The following PON3 variants were observed in gnomAD, a reference collection of about 807,000 sequenced individuals.
The protein encoded by PON3 is paraoxonase 3, also known as serum paraoxonase/lactonase 3.
PON3 carries 37 observed loss-of-function variants against 36.3 expected under a neutral mutation model. The observed-to-expected ratio is 1.02, with a 90% CI of 0.78 to 1.34. The LOEUF is 1.34. PON3 is among the 40% of genes most tolerant of loss of function. The pLI, the probability that PON3 is intolerant of heterozygous loss-of-function variation, is 0.00. For synonymous variants in PON3, 155 were observed against 154.8 expected (o/e 1.00, Z -0.01); for missense variants, 415 against 426.5 (o/e 0.97, Z 0.24).
intron 3 of PON3, among the ~76,000 whole-genome samples, chr7:95,380,001 G>A (rs1438611921): frequency 1.3e-5 from 2 of 152,174 alleles, no homozygotes; most frequent in Admixed American, 6.5e-5. Flanking sequence ...CCTCTGAGAC[G>A]AAACCTCCAG....
rs1340001550 is a variant in PON3, at chr7:95,362,325, GCT to G, written c.906+35_906+36del. 3 of 1,612,484 alleles carry G rather than the reference GCT, an allele frequency of 1.9e-6. No homozygotes were observed. In the African/African-American group the frequency reaches 4.0e-5, roughly 22 times the overall value. On this transcript the variant is annotated intron_variant, in intron 8 of 8. Coordinates refer to ENST00000265627, the MANE Select transcript of PON3 (RefSeq NM_000940.3). ...TCACCCCAACAAATTTGTTCTTGCAGCTTTGCCTGTGAGCTCAGAGAGGTATA... is the reference window on the plus strand; with the variant it reads ...TCACCCCAACAAATTTGTTCTTGCAGTTGCCTGTGAGCTCAGAGAGGTATA...
At chr7:95,371,686 A>T (rs1476289143) in intron 4 of PON3, among the ~76,000 whole-genome samples, 1 of 152,164 alleles carries the variant, frequency 6.6e-6, no homozygotes, top group Non-Finnish European at 1.5e-5. Flanking sequence ...TATTGTCTGA[A>T]TACAAGTCTC....
Position 95,372,170 on chromosome 7 carries a change from T to C in PON3, c.367+3A>G. ...CCCTTATCCCTAAACATACAGGTTT[T>C]ACCTTTGTCGATGAAAATACTGATC... On this transcript the variant is annotated splice_donor_region_variant and intron_variant, in intron 4 of 8. Coordinates refer to ENST00000265627, the MANE Select transcript of PON3 (RefSeq NM_000940.3). 6.2e-7 allele frequency: 1 copy of C among 1,612,936 alleles called. No homozygotes were observed. The highest frequency in any genetic ancestry group is 1.7e-5 in the Admixed American group (1 of 60,008).
At chr7:95,371,152 T>C (rs1435367839) in intron 4 of PON3, among the ~76,000 whole-genome samples, 2 of 152,226 alleles carry the variant, frequency 1.3e-5, no homozygotes, top group Non-Finnish European at 2.9e-5. Flanking sequence ...TGCCAAATAG[T>C]GTTCTATTGT....
intron 7 of PON3, 45 bp downstream of exon 7, chr7:95,362,715 T>A: frequency 6.6e-7 from 1 of 1,506,960 alleles, no homozygotes; most frequent in Non-Finnish European, 9.2e-7. Context: ...AGTATGGGAC[T>A]AAGGTAAGAA....
chr7:95,395,905 G>C, intron 1 of PON3: 1 of 339,236 alleles, frequency 2.9e-6, no homozygotes, highest in Non-Finnish European at 5.8e-6. Context: ...CTGGTAGCCT[G>C]ATCCTCTCTC....
chr7:95,386,476 T>G (rs1370334894), intron 3 of PON3, among the ~76,000 whole-genome samples: 2 of 152,138 alleles, frequency 1.3e-5, no homozygotes, highest in African/African-American at 2.4e-5. Context: ...GCTCTGAAAT[T>G]GAGGCAATAA....
At chr7:95,372,473 C>G in intron 3 of PON3, 135 bp from the exon 4 acceptor site, 1 of 959,692 alleles carries the variant, frequency 1.0e-6, no homozygotes, top group Non-Finnish European at 1.6e-6. Flanking sequence ...CTTTTTCACT[C>G]TGTCAGCTGT....
intron 3 of PON3, among the ~76,000 whole-genome samples, chr7:95,385,434 C>T (rs1430000825): frequency 1.3e-5 from 2 of 152,008 alleles, no homozygotes; most frequent in South Asian, 2.1e-4. Context: ...CCTTAGAGAC[C>T]TGCCAAGAGA....
In PON3 at chr7:95,396,372, G is replaced by T. The variant is rs751654118; in HGVS notation, c.-22C>A. On this transcript the variant is annotated 5_prime_UTR_variant, in exon 1 of 9. Transcript: ENST00000265627. ...CCATGGTCTCGGGGTGCCCAGCGGC[G>T]ACTGCGCGGCGCCGAGAGCTCTCGG... is the stretch of plus-strand genomic sequence containing the variant. The T allele has an allele frequency of 6.2e-7, 1 of 1,612,632 alleles. No individual in the cohort carries two copies. The highest frequency in any genetic ancestry group is 8.5e-7 in the Non-Finnish European group (1 of 1,179,222).
chr7:95,379,565 C>G (rs181076265), intron 3 of PON3, among the ~76,000 whole-genome samples: 1 of 152,254 alleles, frequency 6.6e-6, no homozygotes, highest in East Asian at 1.9e-4. Context: ...TATTCCGTGC[C>G]TGGCTCGGAG....
chr7:95,376,753 T>C (rs1456442142), intron 3 of PON3, among the ~76,000 whole-genome samples: 2 of 152,084 alleles, frequency 1.3e-5, no homozygotes, highest in Non-Finnish European at 2.9e-5. Context: ...TGGCATAACA[T>C]TGAAAATTTA....
chr7:95,392,316 C>T (rs1488347929), intron 2 of PON3, among the ~76,000 whole-genome samples: 1 of 152,140 alleles, frequency 6.6e-6, no homozygotes, highest in Non-Finnish European at 1.5e-5. Context: ...CCATTTTCTT[C>T]AAAATATTTG....
chr7:95,376,879 A>C (rs908581453), intron 3 of PON3, among the ~76,000 whole-genome samples: 4 of 152,202 alleles, frequency 2.6e-5, no homozygotes, highest in African/African-American at 9.6e-5. Flanking sequence ...TACCTGGTCC[A>C]TCTCATTGGG....
At chr7:95,364,180 C>A in intron 5 of PON3, 117 bp from the exon 6 acceptor site, 1 of 835,150 alleles carries the variant, frequency 1.2e-6, no homozygotes, top group Non-Finnish European at 2.0e-6. Flanking sequence ...AAAAAGGATA[C>A]ATGAACTAGT....
intron 2 of PON3, among the ~76,000 whole-genome samples, chr7:95,391,944 T>C (rs1034610275): frequency 2.6e-5 from 4 of 152,150 alleles, no homozygotes; most frequent in Admixed American, 6.5e-5. Context: ...TAAAAAGGCA[T>C]AGAAGGAAAC....
intron 2 of PON3, 106 bp downstream of exon 2, chr7:95,394,538 G>T: frequency 1.0e-6 from 1 of 953,076 alleles, no homozygotes; most frequent in Non-Finnish European, 1.7e-6. Flanking sequence ...GTCCCACTGG[G>T]AGGGCTTAAG....
At position 95,394,682 on chromosome 7, in the gene PON3, G is replaced by C. The variant is rs1210423464; in HGVS notation, c.107C>G (p.Pro36Arg). ...ERVNASREVE[P>R]VEPENCHLIE... ...AAGGTGGCAGTTTTCAGGTTCTACTGGCTCCACTTCTCGAGAGGCATTCAC... is the reference window on the plus strand; with the variant it reads ...AAGGTGGCAGTTTTCAGGTTCTACTCGCTCCACTTCTCGAGAGGCATTCAC... The change falls in exon 2 of 9, where the codon CCA becomes CGA. Residue 36 changes from proline (P) to arginine (R), a missense_variant. Coordinates refer to ENST00000265627, the MANE Select transcript of PON3 (RefSeq NM_000940.3). The C allele has an allele frequency of 1.1e-5, 18 of 1,613,966 alleles. No individual in the cohort carries two copies. Among genetic ancestry groups the C allele is most frequent in the Non-Finnish European group, 1.5e-5 (18 of 1,180,004 alleles).
intron 3 of PON3, 118 bp from the exon 4 acceptor site, chr7:95,372,456 T>C (rs1808830252): frequency 8.8e-7 from 1 of 1,140,160 alleles, no homozygotes; most frequent in African/African-American, 1.6e-5. Context: ...TCATTTAGAT[T>C]ACTGGGCTTT....
Sources: gnomAD v4.1 joint callset for allele counts (sites outside exome capture counted in the v4.1 genomes callset) on GRCh38, gnomAD v4.1.1 for gene constraint, MANE v1.5 for transcripts, NCBI Gene and HGNC (gene_info 2026-07-23, HGNC 2026-07-21) for gene names.